The following ITGA4 variants were observed in gnomAD, a reference collection of about 807,000 sequenced individuals.
ITGA4 encodes the protein integrin subunit alpha 4.
In ITGA4, 63 loss-of-function variants were observed where a neutral mutation model predicts 133.6. That is an observed-to-expected ratio of 0.47 (90% CI 0.38 to 0.58). The LOEUF (loss-of-function observed/expected upper bound fraction) is 0.58, where lower values mean the gene tolerates loss of function less well. ITGA4 is among the 20% of genes least tolerant of loss of function. The pLI, the probability that ITGA4 is intolerant of heterozygous loss-of-function variation, is 0.00. For synonymous variants in ITGA4, 483 were observed against 438.0 expected (o/e 1.10, Z -1.28); for missense variants, 1,076 against 1,252.7 (o/e 0.86, Z 2.13).
chr2:181,510,957 TC>T (rs1052791694), intron 16 of ITGA4, among the ~76,000 whole-genome samples: 2 of 151,928 alleles, frequency 1.3e-5, no homozygotes, highest in African/African-American at 4.8e-5. Flanking sequence ...TTTACACCTC[TC>T]CCCCAGCTGT....
intron 16 of ITGA4, 60 bp downstream of exon 16, chr2:181,509,867 T>C: frequency 7.7e-7 from 1 of 1,295,812 alleles, no homozygotes; most frequent in Non-Finnish European, 1.1e-6. Flanking sequence ...TTTTAAAATA[T>C]GGCATAATTC....
At position 181,485,971 on chromosome 2, in the gene ITGA4, A is replaced by AT. The variant is rs1313300520; in HGVS notation, c.1134dup (p.Asp379Ter). On this transcript the variant is annotated frameshift_variant, in exon 10 of 28. Transcript: ENST00000397033. LOFTEE classifies it high-confidence loss of function. ...GGAATCTATAGTTAATCTTGGCGAC[A>AT]TTGACAATGATGGCTTTGAAGGTAA... 6.3e-7 allele frequency: 1 copy of AT among 1,596,882 alleles called. No individual in the cohort carries two copies. The highest frequency in any genetic ancestry group is 1.8e-5 in the Admixed American group (1 of 54,602).
Position 181,457,623 on chromosome 2 carries a change from G to C in ITGA4, c.-32G>C. Reference sequence around the variant, plus strand: ...CCCGTGCAACTTTGGGGTAGTGGCCGTTTAGTGTTGAATGTTCCCCACCGA... The same window carrying C: ...CCCGTGCAACTTTGGGGTAGTGGCCCTTTAGTGTTGAATGTTCCCCACCGA... On this transcript the variant is annotated 5_prime_UTR_variant, in exon 1 of 28. Transcript: ENST00000397033. The C allele has an allele frequency of 6.3e-7, 1 of 1,592,488 alleles. No homozygotes were observed. Among genetic ancestry groups the C allele is most frequent in the African/African-American group, 1.3e-5 (1 of 74,278 alleles).
Position 181,536,903 on chromosome 2 carries a change from C to T in ITGA4, c.*1376C>T, listed in dbSNP as rs1364712401. The stretch of plus-strand genomic sequence containing the variant: ...TATAGGGAGTGATCAAATTAGAAGG[C>T]AATGTGGAAAAACAATTCTGGGAAA... On this transcript the variant is annotated 3_prime_UTR_variant, in exon 28 of 28. Coordinates refer to ENST00000397033, the MANE Select transcript of ITGA4 (RefSeq NM_000885.6). The T allele has an allele frequency of 6.6e-6, 3 of 453,268 alleles. No homozygotes were observed. Among genetic ancestry groups the T allele is most frequent in the Non-Finnish European group, 1.3e-5 (3 of 226,464 alleles). The allele number at this position is 453,268 out of a possible 1,614,324, so 28.1% of individuals were successfully genotyped here.
chr2:181,507,016 A>C (rs991451273), intron 15 of ITGA4, among the ~76,000 whole-genome samples: 3 of 152,090 alleles, frequency 2.0e-5, no homozygotes, highest in African/African-American at 7.2e-5. Flanking sequence ...TCAAGAGGGA[A>C]TTTGTTGAAT....
Position 181,457,449 on chromosome 2 carries a change from T to G in ITGA4, c.-206T>G. On this transcript the variant is annotated 5_prime_UTR_variant, in exon 1 of 28. Transcript: ENST00000397033. ...GAAACCGGGAGTGGGGCCGGGCGAGTGCGCGGCATCCCAGGCCGGCCCGAA... is the reference window on the plus strand; with the variant it reads ...GAAACCGGGAGTGGGGCCGGGCGAGGGCGCGGCATCCCAGGCCGGCCCGAA... The G allele has an allele frequency of 8.2e-6, 4 of 489,750 alleles. No individual in the cohort carries two copies. Among genetic ancestry groups the G allele is most frequent in the Non-Finnish European group, 1.1e-5 (3 of 278,754 alleles). The allele number at this position is 489,750 out of a possible 1,614,324, so 30.3% of individuals were successfully genotyped here.
intron 9 of ITGA4, among the ~76,000 whole-genome samples, chr2:181,484,523 A>G (rs902222539): frequency 2.6e-5 from 4 of 152,188 alleles, no homozygotes; most frequent in Non-Finnish European, 5.9e-5. Flanking sequence ...AAGCTGTTTT[A>G]TCCCTGACTC....
chr2:181,513,995 G>A (rs1208683587), intron 17 of ITGA4, among the ~76,000 whole-genome samples: 1 of 152,100 alleles, frequency 6.6e-6, no homozygotes, highest in Non-Finnish European at 1.5e-5. Context: ...AGTGCCTGGA[G>A]TGCTGCAGGT....
chr2:181,494,680 G>A (rs1270624980), intron 11 of ITGA4, 42 bp from the exon 12 acceptor site: 2 of 975,440 alleles, frequency 2.1e-6, no homozygotes, highest in African/African-American at 1.6e-5. Flanking sequence ...TGGTATATTA[G>A]TATTCAAAAA....
intron 10 of ITGA4, among the ~76,000 whole-genome samples, chr2:181,491,712 G>A (rs1686051495): frequency 6.6e-6 from 1 of 151,978 alleles, no homozygotes. Context: ...CCCTTCAATG[G>A]CTATAAAATA....
In ITGA4 at chr2:181,474,932, C is replaced by A. The variant is rs202211489; in HGVS notation, c.320-28C>A. 3.6e-5 allele frequency: 55 copies of A among 1,546,760 alleles called. No individual in the cohort carries two copies. In the African/African-American group the frequency reaches 6.4e-4, roughly 18 times the overall value. On this transcript the variant is annotated intron_variant, in intron 2 of 27. Transcript: ENST00000397033. ...CTTTTGTAGAATGTTTTCAATACAA[C>A]TGATAAAATTATTTTCACATGCTAT...
intron 9 of ITGA4, among the ~76,000 whole-genome samples, chr2:181,484,689 C>A (rs909974561): frequency 1.3e-5 from 2 of 152,156 alleles, no homozygotes; most frequent in Non-Finnish European, 2.9e-5. Flanking sequence ...TTAGAGCTGA[C>A]CCCAGGACTT....
intron 2 of ITGA4, 84 bp downstream of exon 2, chr2:181,458,401 A>C: frequency 2.0e-6 from 3 of 1,505,172 alleles, no homozygotes. Context: ...GGAAAGATTC[A>C]CGTTGCCTGT....
At chr2:181,501,659 C>G (rs1686274120) in intron 15 of ITGA4, among the ~76,000 whole-genome samples, 1 of 152,120 alleles carries the variant, frequency 6.6e-6, no homozygotes, top group African/African-American at 2.4e-5. Flanking sequence ...TGCTGAGAGA[C>G]TGGATGTCTG....
intron 14 of ITGA4, 107 bp downstream of exon 14, chr2:181,496,044 G>A: frequency 9.0e-7 from 1 of 1,116,670 alleles, no homozygotes; most frequent in Non-Finnish European, 1.3e-6. Context: ...ATCTTCTTTA[G>A]AGCGGGGGAG....
chr2:181,504,821 A>G (rs1686359975), intron 15 of ITGA4, among the ~76,000 whole-genome samples: 1 of 151,986 alleles, frequency 6.6e-6, no homozygotes, highest in Admixed American at 6.6e-5. Flanking sequence ...TTCTATTGGT[A>G]TAATGGTTAG....
chr2:181,480,338 A>G, intron 6 of ITGA4, 72 bp downstream of exon 6: 1 of 837,060 alleles, frequency 1.2e-6, no homozygotes, highest in Non-Finnish European at 1.7e-6. Flanking sequence ...TAAATAAGGA[A>G]AATGTATTTT....
chr2:181,534,153 T>C lies in ITGA4; in HGVS notation c.2785-119T>C, dbSNP rs551311043. The stretch of plus-strand genomic sequence containing the variant: ...AGGAGGCACTGCAGTTAATTTTAAG[T>C]GGTGAAATAAATTGGGGAAGGTAAA... On this transcript the variant is annotated intron_variant, in intron 25 of 27. Transcript: ENST00000397033. 103 of 614,882 alleles carry C rather than the reference T, an allele frequency of 1.7e-4. No homozygotes were observed. In the East Asian group the frequency reaches 2.8e-3, roughly 17 times the overall value. The allele number at this position is 614,882 out of a possible 1,614,324, so 38.1% of individuals were successfully genotyped here.
Position 181,535,116 on chromosome 2 carries a change from T to C in ITGA4, c.3003+181T>C, listed in dbSNP as rs533272545. Among the ~76,000 whole-genome samples, 12 of 152,074 alleles carry C rather than the reference T, an allele frequency of 7.9e-5. No individual in the cohort carries two copies. In the South Asian group the frequency reaches 2.1e-3, roughly 26 times the overall value. ...AGTCTTTCTAGAAAAATATGCATTC[T>C]TAATTTGTTTTGAAAGACAGACGTT... On this transcript the variant is annotated intron_variant, in intron 27 of 27. Coordinates refer to ENST00000397033, the MANE Select transcript of ITGA4 (RefSeq NM_000885.6).
Sources: allele counts gnomAD v4.1 joint callset (sites outside exome capture counted in the v4.1 genomes callset), GRCh38; gene constraint gnomAD v4.1.1; transcripts MANE v1.5; gene names NCBI Gene and HGNC (gene_info 2026-07-23, HGNC 2026-07-21).